ZNRF1: variants seen among roughly 807,000 people sequenced by gnomAD.
The protein encoded by ZNRF1 is E3 ubiquitin-protein ligase ZNRF1.
In ZNRF1, 3 loss-of-function variants were observed where a neutral mutation model predicts 18.4. That is an observed-to-expected ratio of 0.16 (90% CI 0.07 to 0.42). The LOEUF is 0.42. Among genes scored for constraint, ZNRF1 ranks in the 10% least tolerant of loss-of-function variants. The pLI is 0.99. For missense variants in ZNRF1, 310 were observed against 329.8 expected, an observed-to-expected ratio of 0.94 and a Z score of 0.47; for synonymous variants, 157 against 144.2, an observed-to-expected ratio of 1.09 and a Z score of -0.64.
At chr16:75,105,652 T>A (rs2036306690) in intron 3 of ZNRF1, 3 of 152,136 alleles carry the variant, frequency 2.0e-5, no homozygotes, top group African/African-American at 7.2e-5. Context: ...CTGGGAGAGA[T>A]TCTTGGTCTA....
At position 75,108,542 on chromosome 16, in the gene ZNRF1, T is replaced by G. The variant is rs1337362310; in HGVS notation, c.*842T>G. 3 of 398,786 alleles carry G rather than the reference T, an allele frequency of 7.5e-6. No individual in the cohort carries two copies. The highest frequency in any genetic ancestry group is 1.3e-5 in the Non-Finnish European group (3 of 226,060). The allele number at this position is 398,786 out of a possible 1,614,324, so 24.7% of individuals were successfully genotyped here. ...CTATGTTTGAGAACATTTTAGCCAT[T>G]GATGTTCACACGTGGCATCAGCCCA... is the stretch of plus-strand genomic sequence containing the variant. On this transcript the variant is annotated 3_prime_UTR_variant, in exon 5 of 5. Coordinates refer to ENST00000335325, the MANE Select transcript of ZNRF1 (RefSeq NM_032268.5).
At chr16:75,081,320 T>C (rs1449226660) in intron 1 of ZNRF1, among the ~76,000 whole-genome samples, 1 of 152,248 alleles carries the variant, frequency 6.6e-6, no homozygotes, top group African/African-American at 2.4e-5. Flanking sequence ...CTGACCTGCA[T>C]GGCTGGTCCT....
intron 1 of ZNRF1, among the ~76,000 whole-genome samples, chr16:75,021,668 C>T (rs1336273045): frequency 1.3e-5 from 2 of 152,152 alleles, no homozygotes; most frequent in Non-Finnish European, 2.9e-5. Flanking sequence ...TCATTATCTT[C>T]TAGCTTTTGA....
At chr16:75,048,450 C>G (rs1265499450) in intron 1 of ZNRF1, among the ~76,000 whole-genome samples, 1 of 152,194 alleles carries the variant, frequency 6.6e-6, no homozygotes, top group Non-Finnish European at 1.5e-5. Context: ...TGGCTTGGCT[C>G]TCTAATTCAC....
intron 1 of ZNRF1, among the ~76,000 whole-genome samples, chr16:75,013,840 T>A (rs1308572413): frequency 6.6e-5 from 10 of 152,062 alleles, no homozygotes; most frequent in Admixed American, 6.5e-4. Flanking sequence ...AATTTTATTT[T>A]TTTTTTCGAG....
intron 1 of ZNRF1, among the ~76,000 whole-genome samples, chr16:75,054,501 G>T (rs1024258647): frequency 4.6e-5 from 7 of 152,244 alleles, no homozygotes; most frequent in African/African-American, 1.7e-4. Flanking sequence ...CATAGGGTCT[G>T]CAGGGAAGTG....
chr16:75,074,448 T>G (rs1004519956), intron 1 of ZNRF1, among the ~76,000 whole-genome samples: 2 of 152,186 alleles, frequency 1.3e-5, no homozygotes, highest in Non-Finnish European at 1.5e-5. Flanking sequence ...TACTATCACA[T>G]TGTGAATATT....
chr16:75,010,727 T>G (rs1022393245), intron 1 of ZNRF1, among the ~76,000 whole-genome samples: 8 of 142,492 alleles, frequency 5.6e-5, no homozygotes, highest in African/African-American at 2.1e-4. Context: ...TTGTTTTTTT[T>G]TTTTTGAGGA....
Position 75,110,940 on chromosome 16 carries a change from T to C in ZNRF1, c.*3240T>C, listed in dbSNP as rs1391924966. Reference sequence around the variant, plus strand: ...TGTCACCAGTGAGCCCTTGGCACGGTCTCTGCTCCCCACCAGGGCAGCACG... The same window carrying C: ...TGTCACCAGTGAGCCCTTGGCACGGCCTCTGCTCCCCACCAGGGCAGCACG... On this transcript the variant is annotated 3_prime_UTR_variant, in exon 5 of 5. Coordinates refer to ENST00000335325, the MANE Select transcript of ZNRF1 (RefSeq NM_032268.5). 1 of 151,982 alleles carries C rather than the reference T, an allele frequency of 6.6e-6. No individual in the cohort carries two copies. Among genetic ancestry groups the C allele is most frequent in the Non-Finnish European group, 1.5e-5 (1 of 68,050 alleles). 9.4% of individuals were successfully genotyped at this position (151,982 alleles called of 1,614,324 possible).
chr16:75,085,939 G>A (rs1034170340), intron 1 of ZNRF1, among the ~76,000 whole-genome samples: 4 of 152,044 alleles, frequency 2.6e-5, no homozygotes, highest in African/African-American at 9.7e-5. Context: ...AAAACTCGTG[G>A]AGTATGTAGT....
chr16:75,082,691 C>T (rs1328870286), intron 1 of ZNRF1, among the ~76,000 whole-genome samples: 3 of 152,178 alleles, frequency 2.0e-5, no homozygotes. Context: ...GTAGCTGGGA[C>T]CACAGGCATG....
chr16:75,091,561 C>T (rs1267925785), intron 1 of ZNRF1, among the ~76,000 whole-genome samples: 2 of 135,456 alleles, frequency 1.5e-5, no homozygotes, highest in Non-Finnish European at 3.2e-5. Flanking sequence ...GAGACAGGAT[C>T]TTGCTCTGTC....
chr16:75,047,685 A>G (rs2035534131), intron 1 of ZNRF1, among the ~76,000 whole-genome samples: 1 of 152,118 alleles, frequency 6.6e-6, no homozygotes. Flanking sequence ...TTCCTAATAT[A>G]GATAATCATA....
chr16:75,070,944 C>G (rs1348452885), intron 1 of ZNRF1, among the ~76,000 whole-genome samples: 1 of 152,138 alleles, frequency 6.6e-6, no homozygotes, highest in African/African-American at 2.4e-5. Flanking sequence ...TGCTGCATAA[C>G]AAAATACCCC....
intron 1 of ZNRF1, among the ~76,000 whole-genome samples, chr16:75,033,267 A>G (rs1338851678): frequency 6.6e-6 from 1 of 151,568 alleles, no homozygotes; most frequent in Non-Finnish European, 1.5e-5. Flanking sequence ...TTCTACAAAA[A>G]AAAAAAAAAA....
intron 1 of ZNRF1, among the ~76,000 whole-genome samples, chr16:75,004,146 G>A (rs536058830): frequency 3.9e-4 from 59 of 152,186 alleles, no homozygotes; most frequent in Middle Eastern, 3.4e-3. Context: ...AGAATTTGAT[G>A]GGTGGAGAGA....
chr16:75,107,751 C>G lies in ZNRF1; in HGVS notation c.*51C>G. The G allele has an allele frequency of 2.2e-6, 1 of 456,460 alleles. No individual in the cohort carries two copies. The highest frequency in any genetic ancestry group is 4.4e-6 in the Non-Finnish European group (1 of 226,784). 28.3% of individuals were successfully genotyped at this position (456,460 alleles called of 1,614,324 possible). ...CACACAGGGACAGAGCGCCCCTGCT[C>G]CAGGGAGGAGGCTCACCGGACCCTG... is the stretch of plus-strand genomic sequence containing the variant. On this transcript the variant is annotated 3_prime_UTR_variant, in exon 5 of 5. Transcript: ENST00000335325.
chr16:75,028,277 C>T (rs1046086763), intron 1 of ZNRF1, among the ~76,000 whole-genome samples: 4 of 152,116 alleles, frequency 2.6e-5, no homozygotes, highest in African/African-American at 9.7e-5. Context: ...GATACTAGTC[C>T]ATTCTGGTAC....
chr16:75,050,865 C>CTT (rs2035588200), intron 1 of ZNRF1, among the ~76,000 whole-genome samples: 2 of 87,482 alleles, frequency 2.3e-5, no homozygotes, highest in South Asian at 9.2e-4. Context: ...AGCAAGACTC[C>CTT]GTCTCAAAAA....
Sources: gnomAD v4.1 joint callset for allele counts (sites outside exome capture counted in the v4.1 genomes callset) on GRCh38, gnomAD v4.1.1 for gene constraint, MANE v1.5 for transcripts, NCBI Gene and HGNC (gene_info 2026-07-23, HGNC 2026-07-21) for gene names.